COG5: variants seen among roughly 807,000 people sequenced by gnomAD.
COG5 encodes conserved oligomeric Golgi complex subunit 5.
COG5 carries 86 observed loss-of-function variants against 110.4 expected under a neutral mutation model. The ratio of observed to expected loss-of-function variants is 0.78; its 90% CI spans 0.65 to 0.93. The LOEUF (loss-of-function observed/expected upper bound fraction) is 0.93. Among genes scored for constraint, COG5 ranks in the 40% least tolerant of loss-of-function variants. The pLI, the probability that COG5 is intolerant of heterozygous loss-of-function variation, is 0.00. For synonymous variants in COG5, 360 were observed against 334.6 expected (o/e 1.08, Z -0.83); for missense variants, 1,077 against 987.0 (o/e 1.09, Z -1.22).
intron 19 of COG5, among the ~76,000 whole-genome samples, chr7:107,224,681 T>C (rs1315032312): frequency 6.6e-6 from 1 of 152,256 alleles, no homozygotes; most frequent in East Asian, 1.9e-4. Flanking sequence ...TTGTGGCCTC[T>C]GGCCAGGAGA....
At chr7:107,294,808 T>TG (rs2116887303) in intron 12 of COG5, among the ~76,000 whole-genome samples, 1 of 140,944 alleles carries the variant, frequency 7.1e-6, no homozygotes, top group South Asian at 2.3e-4. Flanking sequence ...CTCCACCTCC[T>TG]GGGTTCATGC....
chr7:107,398,351 G>A (rs774064047), intron 7 of COG5, among the ~76,000 whole-genome samples: 4 of 152,174 alleles, frequency 2.6e-5, no homozygotes, highest in Non-Finnish European at 4.4e-5. Flanking sequence ...AGAGTCGGTG[G>A]CTGTTAGGAA....
At chr7:107,203,801 TGGTTACTAC>T (rs1334255580) in intron 21 of COG5, among the ~76,000 whole-genome samples, 171 bp from the exon 22 acceptor site, 3 of 152,220 alleles carry the variant, frequency 2.0e-5, no homozygotes, top group Non-Finnish European at 2.9e-5. Context: ...AGTGTTACTA[TGGTTACTAC>T]GGTTACTACG....
At chr7:107,217,675 T>G (rs1026348319) in intron 19 of COG5, among the ~76,000 whole-genome samples, 2 of 152,128 alleles carry the variant, frequency 1.3e-5, no homozygotes, top group Admixed American at 1.3e-4. Context: ...GAAAAAGCAT[T>G]TGACAAAATT....
chr7:107,330,823 C>CT (rs376987809), intron 10 of COG5, among the ~76,000 whole-genome samples: 16,986 of 135,592 alleles, frequency 0.13, 1,384 homozygotes, highest in African/African-American at 0.22. Flanking sequence ...AGCTAGATCC[C>CT]TTTTTTTTTT....
At chr7:107,357,872 T>C (rs895658104) in intron 10 of COG5, among the ~76,000 whole-genome samples, 2 of 152,198 alleles carry the variant, frequency 1.3e-5, no homozygotes, top group African/African-American at 4.8e-5. Context: ...TCTCCCTATG[T>C]TGCCCAGGCT....
intron 5 of COG5, among the ~76,000 whole-genome samples, chr7:107,530,707 A>G (rs1801146169): frequency 6.6e-6 from 1 of 152,082 alleles, no homozygotes; most frequent in Non-Finnish European, 1.5e-5. Flanking sequence ...TCTTCTGGGA[A>G]TACCATTTAA....
intron 6 of COG5, among the ~76,000 whole-genome samples, chr7:107,524,606 G>C (rs976490498): frequency 1.3e-5 from 2 of 152,150 alleles, no homozygotes; most frequent in Non-Finnish European, 2.9e-5. Context: ...AATTCCAAAT[G>C]TAGCAACTTA....
chr7:107,358,683 C>T (rs2129044764), intron 10 of COG5, among the ~76,000 whole-genome samples: 1 of 152,276 alleles, frequency 6.6e-6, no homozygotes, highest in South Asian at 2.1e-4. Context: ...ATACTGAACA[C>T]CTGCTTTTCT....
At chr7:107,526,968 T>A (rs1252802128) in intron 6 of COG5, among the ~76,000 whole-genome samples, 1 of 152,168 alleles carries the variant, frequency 6.6e-6, no homozygotes, top group African/African-American at 2.4e-5. Context: ...TAATGGTGCT[T>A]ACATAAATCT....
In COG5 at chr7:107,351,727, T is replaced by C. The variant is rs564878206; in HGVS notation, c.1026+10306A>G. ...ATGAAAAAATGCTCATCATCACTGG[T>C]CATCAGAGAAATGCAAATCAAAACC... On this transcript the variant is annotated intron_variant, in intron 10 of 21. Transcript: ENST00000297135. Among the ~76,000 whole-genome samples, 48 of 151,952 alleles carry C rather than the reference T, an allele frequency of 3.2e-4. 1 individual carries two copies. The East Asian group carries it at 3.7e-3, about 12-fold the overall frequency.
intron 6 of COG5, among the ~76,000 whole-genome samples, chr7:107,425,069 C>T (rs762371874): frequency 2.0e-5 from 3 of 152,136 alleles, no homozygotes; most frequent in Non-Finnish European, 2.9e-5. Context: ...ACATTTCCCA[C>T]ATCTATTTAT....
At chr7:107,327,385 C>T (rs1356774055) in intron 10 of COG5, among the ~76,000 whole-genome samples, 1 of 151,930 alleles carries the variant, frequency 6.6e-6, no homozygotes, top group Non-Finnish European at 1.5e-5. Flanking sequence ...CTGGATTTGG[C>T]AATAATTCTT....
chr7:107,354,762 A>G (rs1812483401), intron 10 of COG5, among the ~76,000 whole-genome samples: 1 of 152,222 alleles, frequency 6.6e-6, no homozygotes, highest in Non-Finnish European at 1.5e-5. Flanking sequence ...AGTGTAAATT[A>G]TTTCACTTTC....
chr7:107,388,932 C>T (rs1790417729), intron 7 of COG5, among the ~76,000 whole-genome samples: 1 of 152,184 alleles, frequency 6.6e-6, no homozygotes, highest in Non-Finnish European at 1.5e-5. Flanking sequence ...TCACCTGATG[C>T]TGAAGAGGAT....
At chr7:107,245,018 A>G (rs976370378) in intron 17 of COG5, among the ~76,000 whole-genome samples, 2 of 152,198 alleles carry the variant, frequency 1.3e-5, no homozygotes, top group African/African-American at 4.8e-5. Flanking sequence ...CTTCAGGCCA[A>G]TCGAGTAGGC....
intron 8 of COG5, among the ~76,000 whole-genome samples, chr7:107,367,630 T>C (rs1032975669): frequency 2.0e-5 from 3 of 152,060 alleles, no homozygotes; most frequent in Non-Finnish European, 4.4e-5. Context: ...ATAATATCTT[T>C]TGCAGCAACT....
chr7:107,392,448 T>G (rs1034494816), intron 7 of COG5, among the ~76,000 whole-genome samples: 2 of 151,988 alleles, frequency 1.3e-5, no homozygotes, highest in South Asian at 4.1e-4. Flanking sequence ...GACGGCAGAG[T>G]AGGGCTTCAA....
chr7:107,385,518 T>C (rs1790122195), intron 7 of COG5, among the ~76,000 whole-genome samples: 1 of 152,180 alleles, frequency 6.6e-6, no homozygotes, highest in South Asian at 2.1e-4. Context: ...TTAAATATTA[T>C]TCAGCCTTTA....
Sources: allele counts gnomAD v4.1 joint callset (sites outside exome capture counted in the v4.1 genomes callset), GRCh38; gene constraint gnomAD v4.1.1; transcripts MANE v1.5; gene names NCBI Gene and HGNC (gene_info 2026-07-23, HGNC 2026-07-21).